Variants in TENT2 observed in about 807,000 individuals in gnomAD.
TENT2 encodes the protein terminal nucleotidyltransferase 2.
TENT2 carries 44 observed loss-of-function variants against 72.2 expected under a neutral mutation model. That is an observed-to-expected ratio of 0.61 (90% CI 0.48 to 0.78). The LOEUF (loss-of-function observed/expected upper bound fraction) is 0.78. Among genes scored for constraint, TENT2 ranks in the 30% least tolerant of loss-of-function variants. TENT2 has a pLI of 0.00. For synonymous variants in TENT2, 212 were observed against 192.5 expected, an observed-to-expected ratio of 1.10 and a Z score of -0.84; for missense variants, 541 against 569.6, an observed-to-expected ratio of 0.95 and a Z score of 0.51.
chr5:79,669,087 T>C (rs1810835388), intron 12 of TENT2, 59 bp downstream of exon 12: 1 of 1,542,194 alleles, frequency 6.5e-7, no homozygotes, highest in Admixed American at 1.8e-5. Context: ...TGTATGTATG[T>C]ATATATATGA....
chr5:79,651,728 A>G (rs1303309035), intron 10 of TENT2, among the ~76,000 whole-genome samples: 1 of 152,058 alleles, frequency 6.6e-6, no homozygotes, highest in Non-Finnish European at 1.5e-5. Context: ...GAAAATCTTG[A>G]TTCTACCTTT....
intron 14 of TENT2, among the ~76,000 whole-genome samples, chr5:79,682,736 C>T (rs1005997312): frequency 1.3e-5 from 2 of 152,108 alleles, no homozygotes; most frequent in Non-Finnish European, 2.9e-5. Context: ...ATGTATACCC[C>T]ACTGTCACAG....
chr5:79,670,250 T>C (rs891716871), intron 12 of TENT2, among the ~76,000 whole-genome samples: 1 of 151,642 alleles, frequency 6.6e-6, no homozygotes, highest in Non-Finnish European at 1.5e-5. Context: ...GGATTTCAGA[T>C]AGCTTTGACA....
At chr5:79,664,336 C>T (rs1395708228) in intron 11 of TENT2, among the ~76,000 whole-genome samples, 1 of 152,158 alleles carries the variant, frequency 6.6e-6, no homozygotes. Flanking sequence ...GTGGCTCATG[C>T]CTGTAATCCC....
At chr5:79,639,153 T>TC (rs1561498624) in intron 4 of TENT2, among the ~76,000 whole-genome samples, 1 of 152,002 alleles carries the variant, frequency 6.6e-6, no homozygotes, top group African/African-American at 2.4e-5. Flanking sequence ...TTTTTTTTTT[T>TC]CCCCAGATAT....
chr5:79,671,458 G>A (rs1378353076), intron 12 of TENT2, among the ~76,000 whole-genome samples: 1 of 150,642 alleles, frequency 6.6e-6, no homozygotes, highest in African/African-American at 2.4e-5. Flanking sequence ...AGGCTGGAGT[G>A]CAGTGGTGCG....
intron 3 of TENT2, among the ~76,000 whole-genome samples, chr5:79,622,523 T>G (rs887041238): frequency 2.0e-5 from 3 of 152,222 alleles, no homozygotes; most frequent in African/African-American, 7.2e-5. Context: ...GTATGCCTTT[T>G]GCCTAGATTC....
chr5:79,640,004 C>T (rs554775404), intron 4 of TENT2, among the ~76,000 whole-genome samples: 1 of 152,204 alleles, frequency 6.6e-6, no homozygotes, highest in South Asian at 2.1e-4. Flanking sequence ...CACCTGTAAT[C>T]CCAGCACTTT....
At chr5:79,621,172 T>A (rs927006972) in intron 3 of TENT2, among the ~76,000 whole-genome samples, 1 of 152,162 alleles carries the variant, frequency 6.6e-6, no homozygotes, top group South Asian at 2.1e-4. Flanking sequence ...TTTAAGCCTT[T>A]ACAACTAACG....
intron 10 of TENT2, among the ~76,000 whole-genome samples, chr5:79,654,918 G>T (rs903322725): frequency 1.3e-5 from 2 of 152,138 alleles, no homozygotes; most frequent in Admixed American, 1.3e-4. Flanking sequence ...GTCTCTACCA[G>T]CAAGCTGTTA....
chr5:79,675,308 T>C (rs1442909880), intron 12 of TENT2, among the ~76,000 whole-genome samples: 2 of 152,156 alleles, frequency 1.3e-5, no homozygotes, highest in Non-Finnish European at 2.9e-5. Context: ...GTAGAATATA[T>C]GGACACAGGT....
At chr5:79,619,417 T>C (rs1319349569) in intron 1 of TENT2, among the ~76,000 whole-genome samples, 195 bp from the exon 2 acceptor site, 3 of 152,234 alleles carry the variant, frequency 2.0e-5, no homozygotes, top group Non-Finnish European at 4.4e-5. Context: ...GTTTGAATTA[T>C]GTTAATCTTA....
At chr5:79,647,109 G>T (rs1789703260) in intron 8 of TENT2, among the ~76,000 whole-genome samples, 1 of 151,890 alleles carries the variant, frequency 6.6e-6, no homozygotes, top group African/African-American at 2.4e-5. Context: ...ATGAATATTT[G>T]GTTATATCAT....
At chr5:79,668,836 T>C in intron 11 of TENT2, 56 bp from the exon 12 acceptor site, 1 of 1,549,216 alleles carries the variant, frequency 6.5e-7, no homozygotes, top group Non-Finnish European at 8.7e-7. Context: ...TTTATAAAGT[T>C]TCTTAGTGTG....
intron 11 of TENT2, among the ~76,000 whole-genome samples, chr5:79,657,500 T>C (rs1021471651): frequency 2.0e-5 from 3 of 151,992 alleles, no homozygotes; most frequent in Admixed American, 2.0e-4. Flanking sequence ...GGTTCTTGTC[T>C]GCATAATACT....
intron 4 of TENT2, among the ~76,000 whole-genome samples, chr5:79,636,446 T>C (rs931205953): frequency 4.6e-5 from 7 of 152,208 alleles, no homozygotes; most frequent in Non-Finnish European, 1.0e-4. Context: ...TTTATCCTTC[T>C]GCCAGGGCCA....
intron 14 of TENT2, among the ~76,000 whole-genome samples, chr5:79,683,301 GCACGCACATGCTCACACACACACACACA>G (rs1823508699): frequency 6.9e-6 from 1 of 144,490 alleles, no homozygotes; most frequent in South Asian, 2.2e-4. Flanking sequence ...ACACACACAT[GCACGCACATGCTCACACACACACACACA>G]CACACACACA....
At chr5:79,660,672 A>G (rs1436902673) in intron 11 of TENT2, among the ~76,000 whole-genome samples, 1 of 152,222 alleles carries the variant, frequency 6.6e-6, no homozygotes, top group Admixed American at 6.5e-5. Context: ...TAGTGGTCTC[A>G]TAAGATGGTG....
At chr5:79,634,819 G>T (rs1778793151) in intron 4 of TENT2, among the ~76,000 whole-genome samples, 1 of 151,600 alleles carries the variant, frequency 6.6e-6, no homozygotes, top group African/African-American at 2.4e-5. Context: ...ACAAGTTTAA[G>T]AATAATCCAC....
Sources: allele counts gnomAD v4.1 joint callset (sites outside exome capture counted in the v4.1 genomes callset), GRCh38; gene constraint gnomAD v4.1.1; transcripts MANE v1.5; gene names NCBI Gene and HGNC (gene_info 2026-07-23, HGNC 2026-07-21).